SLC44A3: variants seen among roughly 807,000 people sequenced by gnomAD.
SLC44A3 encodes the protein solute carrier family 44 member 3.
A neutral mutation model predicts 75.4 loss-of-function variants in SLC44A3; 74 were observed. That is an observed-to-expected ratio of 0.98 (90% CI 0.81 to 1.19). The LOEUF (loss-of-function observed/expected upper bound fraction) is 1.19. Among genes scored for constraint, SLC44A3 ranks in the 50% most tolerant of loss-of-function variants. SLC44A3 has a pLI of 0.00. For synonymous variants in SLC44A3, 310 were observed against 296.9 expected (o/e 1.04, Z -0.45); for missense variants, 700 against 778.6 (o/e 0.90, Z 1.20).
chr1:94,856,418 T>G (rs1665883362), intron 9 of SLC44A3, among the ~76,000 whole-genome samples: 1 of 152,192 alleles, frequency 6.6e-6, no homozygotes, highest in Admixed American at 6.5e-5. Context: ...CTGGGAAGGT[T>G]AACACTGAGG....
intron 1 of SLC44A3, chr1:94,820,741 G>A (rs1027065154): frequency 1.1e-4 from 151 of 1,393,030 alleles, no homozygotes; most frequent in Non-Finnish European, 1.3e-4. Flanking sequence ...CTTGGCGGCA[G>A]GGGGCTTAAC....
intron 8 of SLC44A3, among the ~76,000 whole-genome samples, chr1:94,844,754 GCCA>G (rs1364889391): frequency 9.2e-5 from 14 of 152,254 alleles, no homozygotes; most frequent in Non-Finnish European, 5.9e-5. Context: ...AAGAAGCTCG[GCCA>G]TGAAAACAGT....
chr1:94,872,227 G>A (rs545370112), intron 12 of SLC44A3, among the ~76,000 whole-genome samples: 96 of 151,794 alleles, frequency 6.3e-4, no homozygotes, highest in South Asian at 5.8e-3. Context: ...TCAGCCTCCC[G>A]AGTAGCTGGG....
At chr1:94,822,630 A>G (rs1210571638) in intron 2 of SLC44A3, among the ~76,000 whole-genome samples, 2 of 152,218 alleles carry the variant, frequency 1.3e-5, no homozygotes, top group Non-Finnish European at 2.9e-5. Flanking sequence ...TGGTTCTTGC[A>G]AATGCAGCAC....
chr1:94,852,104 A>G (rs915143372), intron 9 of SLC44A3, among the ~76,000 whole-genome samples: 2 of 152,204 alleles, frequency 1.3e-5, no homozygotes, highest in African/African-American at 4.8e-5. Flanking sequence ...CATTCAATCA[A>G]CAAATATTTA....
intron 6 of SLC44A3, among the ~76,000 whole-genome samples, chr1:94,838,146 C>T (rs1427236878): frequency 6.6e-6 from 1 of 152,170 alleles, no homozygotes; most frequent in Non-Finnish European, 1.5e-5. Context: ...GTATATAAAG[C>T]AGATTGCCAA....
At chr1:94,847,502 C>G (rs1337942270) in intron 9 of SLC44A3, among the ~76,000 whole-genome samples, 1 of 152,172 alleles carries the variant, frequency 6.6e-6, no homozygotes, top group African/African-American at 2.4e-5. Context: ...TTTGGGCAGG[C>G]ACGCACCAAT....
chr1:94,881,448 T>C (rs536070050), intron 12 of SLC44A3, among the ~76,000 whole-genome samples: 1 of 152,300 alleles, frequency 6.6e-6, no homozygotes, highest in African/African-American at 2.4e-5. Context: ...CTGATGCCTG[T>C]AATCCCAGCG....
At chr1:94,892,870 G>C (rs1241148496) in intron 14 of SLC44A3, among the ~76,000 whole-genome samples, 1 of 152,192 alleles carries the variant, frequency 6.6e-6, no homozygotes, top group Non-Finnish European at 1.5e-5. Flanking sequence ...TGGTCTAGAA[G>C]TTTAACAGTT....
intron 12 of SLC44A3, among the ~76,000 whole-genome samples, chr1:94,884,803 G>T (rs986713518): frequency 2.0e-5 from 3 of 151,956 alleles, no homozygotes; most frequent in Non-Finnish European, 4.4e-5. Flanking sequence ...TTGATTTCAG[G>T]AGTAAAAAAA....
Position 94,842,150 on chromosome 1 carries a change from G to A in SLC44A3, c.885+26G>A, listed in dbSNP as rs574864662. On this transcript the variant is annotated intron_variant, in intron 8 of 14. Transcript: ENST00000271227. ...GTAAGAAATGCTCTTCTAGCAGTAGGTCAGGTAGCCAGCCAGGACTCTGAA... is the reference window on the plus strand; with the variant it reads ...GTAAGAAATGCTCTTCTAGCAGTAGATCAGGTAGCCAGCCAGGACTCTGAA... 2.8e-5 allele frequency: 44 copies of A among 1,574,362 alleles called. No homozygotes were observed. In the South Asian group the frequency reaches 5.0e-4, roughly 18 times the overall value.
At chr1:94,856,643 A>T (rs1665903820) in intron 9 of SLC44A3, among the ~76,000 whole-genome samples, 1 of 152,158 alleles carries the variant, frequency 6.6e-6, no homozygotes. Context: ...AAAACTACGG[A>T]TTTTTAGAGT....
chr1:94,858,673 GTGTTTGTT>G (rs59998353), intron 10 of SLC44A3, among the ~76,000 whole-genome samples: 29,625 of 149,804 alleles, frequency 0.2, 3,162 homozygotes, highest in Middle Eastern at 0.26. Context: ...GCACTGTCGG[GTGTTTGTT>G]TGTTTGTTTG....
intron 7 of SLC44A3, among the ~76,000 whole-genome samples, chr1:94,841,184 G>A (rs774448290): frequency 6.6e-6 from 1 of 152,208 alleles, no homozygotes; most frequent in Non-Finnish European, 1.5e-5. Flanking sequence ...GTCAGTATTT[G>A]TGTATCTAAA....
At chr1:94,881,636 G>A (rs1456108049) in intron 12 of SLC44A3, among the ~76,000 whole-genome samples, 5 of 151,264 alleles carry the variant, frequency 3.3e-5, no homozygotes, top group African/African-American at 9.7e-5. Context: ...CCCGGGAGGC[G>A]AAGCTTGCAG....
At chr1:94,880,085 G>GT (rs762530237) in intron 12 of SLC44A3, among the ~76,000 whole-genome samples, 18 of 152,290 alleles carry the variant, frequency 1.2e-4, no homozygotes, top group Non-Finnish European at 7.4e-5. Context: ...GTAAAATGTT[G>GT]TAACTGTTAT....
At chr1:94,862,351 G>T (rs1269637323) in intron 10 of SLC44A3, among the ~76,000 whole-genome samples, 1 of 152,126 alleles carries the variant, frequency 6.6e-6, no homozygotes, top group Non-Finnish European at 1.5e-5. Context: ...TGAGCACGAG[G>T]CTGGATCTAA....
At chr1:94,840,283 CT>C (rs56383271) in intron 7 of SLC44A3, among the ~76,000 whole-genome samples, 309 of 77,372 alleles carry the variant, frequency 4.0e-3, no homozygotes, top group African/African-American at 0.013. Flanking sequence ...TTTCTTTTTC[CT>C]TTTTTTTTTT....
chr1:94,840,897 G>A (rs1318717725), intron 7 of SLC44A3, among the ~76,000 whole-genome samples: 1 of 152,190 alleles, frequency 6.6e-6, no homozygotes, highest in Non-Finnish European at 1.5e-5. Flanking sequence ...AAAGAGGTCC[G>A]AGGGACAAGG....
Sources: allele counts gnomAD v4.1 joint callset (sites outside exome capture counted in the v4.1 genomes callset), GRCh38; gene constraint gnomAD v4.1.1; transcripts MANE v1.5; gene names NCBI Gene and HGNC (gene_info 2026-07-23, HGNC 2026-07-21).